Variants in MALRD1 observed in about 807,000 individuals in gnomAD.
MALRD1 encodes the protein MAM and LDL receptor class A domain containing 1.
MALRD1 carries 247 observed loss-of-function variants against 242.1 expected under a neutral mutation model. The ratio of observed to expected loss-of-function variants is 1.02; its 90% CI spans 0.92 to 1.13. The LOEUF (loss-of-function observed/expected upper bound fraction) is 1.13, where lower values mean the gene tolerates loss of function less well. Among genes scored for constraint, MALRD1 ranks in the 50% most tolerant of loss-of-function variants. The pLI, the probability that MALRD1 is intolerant of heterozygous loss-of-function variation, is 0.00. For missense variants in MALRD1, 2,989 were observed against 2,533.1 expected (o/e 1.18, Z -3.86); for synonymous variants, 995 against 866.6 (o/e 1.15, Z -2.60).
intron 36 of MALRD1, among the ~76,000 whole-genome samples, chr10:19,682,858 G>A (rs1300726376): frequency 1.3e-5 from 2 of 152,170 alleles, no homozygotes; most frequent in African/African-American, 4.8e-5. Flanking sequence ...TCTCCCGCCT[G>A]GAGCCCTTCT....
chr10:19,451,162 G>A (rs184643597), intron 29 of MALRD1, among the ~76,000 whole-genome samples: 1 of 151,988 alleles, frequency 6.6e-6, no homozygotes, highest in African/African-American at 2.4e-5. Flanking sequence ...TTTTAAATGT[G>A]AGCCTAATAT....
chr10:19,287,819 G>C (rs1448559922), intron 21 of MALRD1, among the ~76,000 whole-genome samples: 1 of 152,084 alleles, frequency 6.6e-6, no homozygotes, highest in South Asian at 2.1e-4. Context: ...ACACATGACT[G>C]TGTATAGTTA....
At chr10:19,171,425 TATACATATATATATA>T (rs1588646181) in intron 13 of MALRD1, among the ~76,000 whole-genome samples, 9 of 91,266 alleles carry the variant, frequency 9.9e-5, no homozygotes, top group Non-Finnish European at 1.9e-4. Flanking sequence ...TTATATTTTA[TATACATATATATATA>T]TATATATATA....
Position 19,692,299 on chromosome 10 carries a change from A to G in MALRD1, c.6155A>G (p.Lys2052Arg). Residue 2052 changes from lysine to arginine, a missense_variant, in exon 37 of 40, where the codon AAA becomes AGA. Physicochemically the swap from Lys to Arg is conservative, Grantham distance 26. Coordinates refer to ENST00000454679, the MANE Select transcript of MALRD1 (RefSeq NM_001142308.3). ...GPMCRCRQGWKGNRCHIKFNP... is the reference protein window; with the variant it reads ...GPMCRCRQGWRGNRCHIKFNP... ...CTTTCCAGATGTAGACAAGGCTGGA[A>G]AGGAAATCGATGCCATATCAAGTTT... 6.5e-7 allele frequency: 1 copy of G among 1,535,100 alleles called. No homozygotes were observed. The highest frequency in any genetic ancestry group is 1.2e-5 in the South Asian group (1 of 83,902).
At chr10:19,233,574 C>T (rs370739228) in intron 18 of MALRD1, among the ~76,000 whole-genome samples, 4 of 149,668 alleles carry the variant, frequency 2.7e-5, no homozygotes, top group Admixed American at 2.0e-4. Flanking sequence ...GATTTTTTTT[C>T]CCAAAGCTTT....
intron 21 of MALRD1, among the ~76,000 whole-genome samples, chr10:19,291,707 A>T (rs932388156): frequency 8.5e-5 from 13 of 152,056 alleles, no homozygotes; most frequent in Non-Finnish European, 1.5e-4. Flanking sequence ...ATCAGAGAAG[A>T]TTCATTTTTC....
In MALRD1 at chr10:19,204,948, T is replaced by G; in HGVS notation, c.2261T>G (p.Met754Arg). ...GGAGCAGCTGAGCTGCAGCTACATA[T>G]GGAAAATTCTCATGACTCAACAGTG... is the stretch of plus-strand genomic sequence containing the variant. ...SVGAAELQLH[M>R]ENSHDSTVIW... is the part of the protein sequence containing the mutation. Residue 754 changes from methionine (M) to arginine (R), a missense_variant, in exon 17 of 40, where the codon ATG (methionine) becomes AGG (arginine). By Grantham distance (91) the Met-to-Arg change is moderately conservative. Coordinates refer to ENST00000454679, the MANE Select transcript of MALRD1 (RefSeq NM_001142308.3). 1 of 1,550,414 alleles carries G rather than the reference T, an allele frequency of 6.4e-7. No individual in the cohort carries two copies. The highest frequency in any genetic ancestry group is 8.7e-7 in the Non-Finnish European group (1 of 1,146,788).
chr10:19,284,305 G>C (rs1413226513), intron 21 of MALRD1, among the ~76,000 whole-genome samples: 1 of 150,634 alleles, frequency 6.6e-6, no homozygotes, highest in African/African-American at 2.4e-5. Context: ...CATTGTGCAG[G>C]TTCGTTACAT....
intron 36 of MALRD1, among the ~76,000 whole-genome samples, chr10:19,617,231 C>A (rs141205248): frequency 0.013 from 1,988 of 151,968 alleles, 19 homozygotes; most frequent in East Asian, 0.036. Context: ...AAATTAAAAT[C>A]CAGATGGTGA....
rs1838572384 is a variant in MALRD1 at position 19,238,525 on chromosome 10, T to C, written c.2992-19159T>C. ...TATAATATATAATGTATATTATATA[T>C]AATATACATTATATATAATATATAA... is the stretch of plus-strand genomic sequence containing the variant. On this transcript the variant is annotated intron_variant, in intron 18 of 39. Transcript: ENST00000454679. Among the ~76,000 whole-genome samples the C allele has an allele frequency of 4.1e-5, 4 of 96,582 alleles. No homozygotes were observed. The South Asian group carries it at 8.7e-4, about 21-fold the overall frequency. The allele number at this position is 96,582 out of a possible 152,430, so 63.4% of individuals were successfully genotyped here.
At chr10:19,237,629 TATAATTATATATAAATTA>T in intron 18 of MALRD1, among the ~76,000 whole-genome samples, 1 of 63,828 alleles carries the variant, frequency 1.6e-5, no homozygotes, top group Non-Finnish European at 2.8e-5. Context: ...ATTATATAAT[TATAATTATATATAAATTA>T]TTATAATTAT....
At chr10:19,348,512 C>A (rs1844229807) in intron 25 of MALRD1, among the ~76,000 whole-genome samples, 1 of 151,932 alleles carries the variant, frequency 6.6e-6, no homozygotes, top group Admixed American at 6.6e-5. Flanking sequence ...TGAACTTATT[C>A]CTAAAAGAAG....
intron 2 of MALRD1, among the ~76,000 whole-genome samples, chr10:19,068,312 GT>G (rs373245254): frequency 6.8e-4 from 102 of 150,812 alleles, no homozygotes; most frequent in Middle Eastern, 3.4e-3. Flanking sequence ...ATTTTCCCTC[GT>G]TTTTTTTATG....
rs186429740 is a variant in MALRD1 at position 19,441,399 on chromosome 10, T to A, written c.4846-8908T>A. Among the ~76,000 whole-genome samples, 361 of 152,288 alleles carry A rather than the reference T, an allele frequency of 2.4e-3. 1 individual carries two copies. The highest frequency in any genetic ancestry group is 8.3e-3 in the African/African-American group (345 of 41,582). On this transcript the variant is annotated intron_variant, in intron 28 of 39. Coordinates refer to ENST00000454679, the MANE Select transcript of MALRD1 (RefSeq NM_001142308.3). ...GTTGCCATTGTTTTTGGTGTTTTAG[T>A]CATGAAGTCCTTTCCCATGCCTATG...
intron 31 of MALRD1, among the ~76,000 whole-genome samples, chr10:19,501,829 C>A (rs1368795061): frequency 6.6e-6 from 1 of 151,254 alleles, no homozygotes; most frequent in African/African-American, 2.4e-5. Flanking sequence ...CCCAGCAGTT[C>A]GAGACCAGCC....
intron 19 of MALRD1, among the ~76,000 whole-genome samples, chr10:19,258,125 A>G (rs1271296753): frequency 6.6e-6 from 1 of 152,138 alleles, no homozygotes; most frequent in Non-Finnish European, 1.5e-5. Flanking sequence ...AACCTCTCGG[A>G]TTACTCTCGG....
intron 26 of MALRD1, among the ~76,000 whole-genome samples, chr10:19,359,729 A>G (rs965895025): frequency 4.0e-5 from 6 of 148,952 alleles, no homozygotes; most frequent in African/African-American, 1.5e-4. Flanking sequence ...CAGGATTTTG[A>G]CCCAGGAGAG....
intron 24 of MALRD1, among the ~76,000 whole-genome samples, chr10:19,344,152 T>C (rs1844003273): frequency 6.6e-6 from 1 of 152,120 alleles, no homozygotes; most frequent in African/African-American, 2.4e-5. Flanking sequence ...AGCAAACATA[T>C]TTAATGTTGA....
intron 38 of MALRD1, chr10:19,710,543 A>T (rs757187172): frequency 2.2e-5 from 3 of 136,634 alleles, no homozygotes; most frequent in Non-Finnish European, 3.4e-5. Flanking sequence ...GTGTATACAC[A>T]TGTTTGTGCG....
Sources: gnomAD v4.1 joint callset for allele counts (sites outside exome capture counted in the v4.1 genomes callset) on GRCh38, gnomAD v4.1.1 for gene constraint, MANE v1.5 for transcripts, NCBI Gene and HGNC (gene_info 2026-07-23, HGNC 2026-07-21) for gene names.